Variants in ZCCHC24 observed in about 807,000 individuals in gnomAD.
ZCCHC24 encodes zinc finger CCHC-type containing 24, also known as zinc finger CCHC domain-containing protein 24.
ZCCHC24 carries 10 observed loss-of-function variants against 26.2 expected under a neutral mutation model. The ratio of observed to expected loss-of-function variants is 0.38; its 90% CI spans 0.24 to 0.65. The LOEUF is 0.65. Among genes scored for constraint, ZCCHC24 ranks in the 30% least tolerant of loss-of-function variants. The pLI is 0.54. For missense variants in ZCCHC24, 243 were observed against 329.1 expected (o/e 0.74, Z 2.03); for synonymous variants, 144 against 147.1 (o/e 0.98, Z 0.15).
intron 3 of ZCCHC24, among the ~76,000 whole-genome samples, chr10:79,392,900 C>T (rs1188292330): frequency 6.6e-6 from 1 of 152,222 alleles, no homozygotes; most frequent in East Asian, 1.9e-4. Context: ...TGAGGACCAT[C>T]GCCTTATTGC....
intron 1 of ZCCHC24, among the ~76,000 whole-genome samples, chr10:79,439,149 GT>G (rs1024968890): frequency 1.3e-5 from 2 of 152,182 alleles, no homozygotes; most frequent in African/African-American, 2.4e-5. Context: ...GTATATGCAT[GT>G]GCACGCATGC....
chr10:79,392,809 G>A (rs989553558), intron 3 of ZCCHC24, among the ~76,000 whole-genome samples: 2 of 152,152 alleles, frequency 1.3e-5, no homozygotes, highest in South Asian at 2.1e-4. Context: ...CTGACTGGCC[G>A]GGCTTCTGTG....
At chr10:79,428,492 A>ATTTCAGTTTTGCAAGATAAC (rs112047064) in intron 2 of ZCCHC24, among the ~76,000 whole-genome samples, 1 of 133,950 alleles carries the variant, frequency 7.5e-6, no homozygotes. Flanking sequence ...TGCAAGATAA[A>ATTTCAGTTTTGCAAGATAAC]AAGAGCTCTG....
chr10:79,402,419 G>A (rs1856646050), intron 2 of ZCCHC24, among the ~76,000 whole-genome samples: 1 of 152,152 alleles, frequency 6.6e-6, no homozygotes, highest in Non-Finnish European at 1.5e-5. Context: ...GGGACTATAG[G>A]TGCCCGCCAC....
intron 1 of ZCCHC24, among the ~76,000 whole-genome samples, chr10:79,435,552 ACCTCTAGTGC>A (rs1488653308): frequency 6.6e-6 from 1 of 151,902 alleles, no homozygotes; most frequent in Non-Finnish European, 1.5e-5. Flanking sequence ...TGGCCTTCCC[ACCTCTAGTGC>A]CCTCCAGCCT....
chr10:79,423,580 A>AATATATATATATATATATAT (rs1564638246), intron 2 of ZCCHC24, among the ~76,000 whole-genome samples: 1 of 28,354 alleles, frequency 3.5e-5, no homozygotes, highest in African/African-American at 1.6e-4. Context: ...AAATATATAT[A>AATATATATATATATATATAT]CTATATATAT....
chr10:79,410,759 G>A (rs1856779480), intron 2 of ZCCHC24, among the ~76,000 whole-genome samples: 1 of 151,606 alleles, frequency 6.6e-6, no homozygotes, highest in Non-Finnish European at 1.5e-5. Context: ...CCAGTTAGGG[G>A]GGTGCTGCCA....
At chr10:79,431,609 T>A (rs987453207) in intron 2 of ZCCHC24, among the ~76,000 whole-genome samples, 2 of 152,158 alleles carry the variant, frequency 1.3e-5, no homozygotes, top group Non-Finnish European at 2.9e-5. Flanking sequence ...GGTTTGGGAA[T>A]GTAATGAATG....
intron 2 of ZCCHC24, among the ~76,000 whole-genome samples, chr10:79,427,754 C>T (rs945464000): frequency 6.6e-6 from 1 of 152,112 alleles, no homozygotes; most frequent in Admixed American, 6.5e-5. Flanking sequence ...TGGATCATGC[C>T]TGTAATCCCA....
In ZCCHC24 at chr10:79,442,012, C is replaced by T. The variant is rs956487511; in HGVS notation, c.246+3183G>A. 6.6e-5 allele frequency among the ~76,000 whole-genome samples: 10 copies of T among 152,180 alleles called. 1 individual carries two copies. Among genetic ancestry groups the T allele is most frequent in the Non-Finnish European group, 1.2e-4 (8 of 68,016 alleles). Reference sequence around the variant, plus strand: ...CCCTTTACGGTTGTGAATTTAAGTTCCAAACAAGACTTGGCAGGGAAGACC... The same window carrying T: ...CCCTTTACGGTTGTGAATTTAAGTTTCAAACAAGACTTGGCAGGGAAGACC... On this transcript the variant is annotated intron_variant, in intron 1 of 3. Coordinates refer to ENST00000372336, the MANE Select transcript of ZCCHC24 (RefSeq NM_153367.4).
At chr10:79,432,304 C>G (rs990307854) in intron 2 of ZCCHC24, among the ~76,000 whole-genome samples, 1 of 152,232 alleles carries the variant, frequency 6.6e-6, no homozygotes. Flanking sequence ...GGGCCCAGTT[C>G]GGGTCCAAAA....
intron 2 of ZCCHC24, among the ~76,000 whole-genome samples, chr10:79,412,945 T>G (rs1282751314): frequency 6.6e-6 from 1 of 152,148 alleles, no homozygotes. Context: ...TCATCACCAT[T>G]TTCTGGACAT....
chr10:79,393,860 G>A (rs902366614), intron 3 of ZCCHC24, among the ~76,000 whole-genome samples: 3 of 152,006 alleles, frequency 2.0e-5, no homozygotes, highest in Non-Finnish European at 2.9e-5. Context: ...TCCTCTGAGT[G>A]GCTTTCCCTG....
At chr10:79,419,081 CT>C (rs1306582774) in intron 2 of ZCCHC24, among the ~76,000 whole-genome samples, 2 of 152,206 alleles carry the variant, frequency 1.3e-5, no homozygotes, top group African/African-American at 4.8e-5. Flanking sequence ...AATTAAGCAG[CT>C]GCAGGGGTGG....
intron 1 of ZCCHC24, among the ~76,000 whole-genome samples, chr10:79,444,839 C>A (rs1180508390): frequency 6.6e-6 from 1 of 152,200 alleles, no homozygotes; most frequent in Non-Finnish European, 1.5e-5. Context: ...CGAAGGGGCT[C>A]CCCGCCCAGG....
chr10:79,429,607 C>G (rs1428825341), intron 2 of ZCCHC24, among the ~76,000 whole-genome samples: 1 of 152,046 alleles, frequency 6.6e-6, no homozygotes, highest in African/African-American at 2.4e-5. Flanking sequence ...GAGGTGATAC[C>G]TAAGGAGTAT....
chr10:79,428,070 C>T (rs1218622063), intron 2 of ZCCHC24, among the ~76,000 whole-genome samples: 1 of 152,148 alleles, frequency 6.6e-6, no homozygotes, highest in Non-Finnish European at 1.5e-5. Flanking sequence ...CTTATAAACC[C>T]TCGATCACAG....
chr10:79,443,044 A>G (rs1589682965), intron 1 of ZCCHC24, among the ~76,000 whole-genome samples: 1 of 152,260 alleles, frequency 6.6e-6, no homozygotes, highest in Non-Finnish European at 1.5e-5. Context: ...AATACTATAG[A>G]TATACCATCC....
In ZCCHC24 at chr10:79,428,560, G is replaced by T. The variant is rs142496998; in HGVS notation, c.447+3998C>A. 6.6e-5 allele frequency among the ~76,000 whole-genome samples: 10 copies of T among 152,058 alleles called. No homozygotes were observed. The East Asian group carries it at 1.9e-3, about 29-fold the overall frequency. On this transcript the variant is annotated intron_variant, in intron 2 of 3. Coordinates refer to ENST00000372336, the MANE Select transcript of ZCCHC24 (RefSeq NM_153367.4). The stretch of plus-strand genomic sequence containing the variant: ...GTGAATGTATTTAATGCCACGAACC[G>T]TAAGCTAAAAATGGTTAAGATGGTA...
Sources: gnomAD v4.1 joint callset for allele counts (sites outside exome capture counted in the v4.1 genomes callset) on GRCh38, gnomAD v4.1.1 for gene constraint, MANE v1.5 for transcripts, NCBI Gene and HGNC (gene_info 2026-07-23, HGNC 2026-07-21) for gene names.